FNDC1: variants seen among roughly 807,000 people sequenced by gnomAD.
FNDC1 encodes the protein fibronectin type III domain-containing protein 1.
FNDC1 carries 96 observed loss-of-function variants against 168.0 expected under a neutral mutation model. The observed-to-expected ratio is 0.57, with a 90% CI of 0.48 to 0.68. The LOEUF is 0.68. Among genes scored for constraint, FNDC1 ranks in the 30% least tolerant of loss-of-function variants. The pLI is 0.00. For synonymous variants in FNDC1, 1,099 were observed against 1,025.9 expected (o/e 1.07, Z -1.36); for missense variants, 2,587 against 2,482.1 (o/e 1.04, Z -0.90).
At chr6:159,211,750 G>A (rs566701787) in intron 4 of FNDC1, among the ~76,000 whole-genome samples, 3 of 152,124 alleles carry the variant, frequency 2.0e-5, no homozygotes, top group Non-Finnish European at 2.9e-5. Flanking sequence ...GTATGGCACC[G>A]AACGCTTTAC....
At chr6:159,215,278 A>T in intron 5 of FNDC1, 127 bp downstream of exon 5, 4 of 846,176 alleles carry the variant, frequency 4.7e-6, no homozygotes, top group Non-Finnish European at 7.5e-6. Flanking sequence ...TGTTACAATG[A>T]TTTGAATCTC....
rs1554228133 is a variant in FNDC1 at position 159,248,917 on chromosome 6, G to GTC, written c.4691-121_4691-120insCT. 55 of 779,252 alleles carry GTC rather than the reference G, an allele frequency of 7.1e-5. No individual in the cohort carries two copies. The African/African-American group carries it at 7.3e-4, about 10-fold the overall frequency. 48.3% of individuals were successfully genotyped at this position (779,252 alleles called of 1,614,324 possible). ...AGCATTTATTTTAGGGTGTGTGTGT[G>GTC]TGTGTGTCTGTCTGTCTGTCTGGGT... On this transcript the variant is annotated intron_variant, in intron 15 of 22. Transcript: ENST00000297267.
intron 7 of FNDC1, among the ~76,000 whole-genome samples, chr6:159,225,175 A>G (rs1266344670): frequency 7.6e-6 from 1 of 132,012 alleles, no homozygotes; most frequent in Non-Finnish European, 1.6e-5. Context: ...AGACACAAAT[A>G]CAGACACACA....
chr6:159,239,966 C>T lies in FNDC1; in HGVS notation c.4621+9C>T. 1 of 1,470,858 alleles carries T rather than the reference C, an allele frequency of 6.8e-7. No individual in the cohort carries two copies. Among genetic ancestry groups the T allele is most frequent in the Non-Finnish European group, 9.0e-7 (1 of 1,105,484 alleles). The allele number at this position is 1,470,858 out of a possible 1,614,324, so 91.1% of individuals were successfully genotyped here. A position where few individuals can be genotyped will look rare whatever the true frequency, so the allele number is the denominator to read the frequency against. On this transcript the variant is annotated intron_variant, in intron 14 of 22. Coordinates refer to ENST00000297267, the MANE Select transcript of FNDC1 (RefSeq NM_032532.3). ...GTGCTACGCTGAAGAAGGTAACTGC[C>T]TTTGTTCTAATGCTAACTACTTACC...
rs766487362 is a variant in FNDC1 at position 159,232,421 on chromosome 6, G to T, written c.1909G>T (p.Ala637Ser). ...CACCTCTCATCGTCCTTCCCTGCCT[G>T]CCAGCTTGAATGACAACGACTTGGT... Reference protein sequence around the residue: ...QGTSHRPSLPASLNDNDLVDS... With the variant: ...QGTSHRPSLPSSLNDNDLVDS... Residue 637 changes from alanine (A) to serine (S), a missense_variant, in exon 11 of 23, where the codon GCC becomes TCC. Coordinates refer to ENST00000297267, the MANE Select transcript of FNDC1 (RefSeq NM_032532.3). This position sits in a 1 kb window ranked among gnomAD's most constrained non-coding sequence, Gnocchi z 4.9. 42 of 1,611,812 alleles carry T rather than the reference G, an allele frequency of 2.6e-5. No homozygotes were observed. The highest frequency in any genetic ancestry group is 3.5e-5 in the Non-Finnish European group (41 of 1,178,530).
At chr6:159,209,949 A>G (rs1166661661) in intron 4 of FNDC1, among the ~76,000 whole-genome samples, 1 of 152,192 alleles carries the variant, frequency 6.6e-6, no homozygotes, top group African/African-American at 2.4e-5. Flanking sequence ...TGCTGGCCAC[A>G]TGCTTGACTC....
chr6:159,174,350 G>A (rs964543915), intron 1 of FNDC1, among the ~76,000 whole-genome samples: 1 of 152,242 alleles, frequency 6.6e-6, no homozygotes, highest in African/African-American at 2.4e-5. Flanking sequence ...TGAGCACCCC[G>A]TTTTCCTCCC....
intron 1 of FNDC1, among the ~76,000 whole-genome samples, chr6:159,184,084 C>T (rs1330570128): frequency 2.0e-5 from 3 of 152,262 alleles, no homozygotes; most frequent in African/African-American, 7.2e-5. Context: ...GGGCAAATCA[C>T]TTAACTCTCT....
intron 2 of FNDC1, among the ~76,000 whole-genome samples, chr6:159,199,307 A>G (rs1170662133): frequency 6.6e-6 from 1 of 152,196 alleles, no homozygotes; most frequent in African/African-American, 2.4e-5. Flanking sequence ...TTAGGAGCTC[A>G]GCCCAAGAGA....
chr6:159,210,258 T>C (rs550398524), intron 4 of FNDC1, among the ~76,000 whole-genome samples: 33 of 152,340 alleles, frequency 2.2e-4, no homozygotes, highest in Admixed American at 1.1e-3. Flanking sequence ...GCAACCACCA[T>C]GAGCTTCTCA....
Position 159,256,553 on chromosome 6 carries a change from A to C in FNDC1, c.5096A>C (p.Asp1699Ala), listed in dbSNP as rs1197490258. The change falls in exon 18 of 23, where the codon GAC (aspartate) becomes GCC (alanine). Residue 1699 changes from aspartate to alanine, a missense_variant. Asp to Ala is a moderately radical substitution (Grantham distance 126). Transcript: ENST00000297267. ...TTGGTTTACAGTGCATCCTATGAAGACTTCATCAGGAACAAGTGGTCCACT... is the reference window on the plus strand; with the variant it reads ...TTGGTTTACAGTGCATCCTATGAAGCCTTCATCAGGAACAAGTGGTCCACT... ...GYLVYSASYE[D>A]FIRNKWSTQA... The C allele has an allele frequency of 1.9e-6, 3 of 1,613,594 alleles. No individual in the cohort carries two copies. Among genetic ancestry groups the C allele is most frequent in the South Asian group, 1.1e-5 (1 of 91,066 alleles).
intron 1 of FNDC1, among the ~76,000 whole-genome samples, chr6:159,178,829 G>T (rs917719263): frequency 6.6e-6 from 1 of 151,414 alleles, no homozygotes; most frequent in Non-Finnish European, 1.5e-5. Flanking sequence ...GGTCCAAGCC[G>T]TATTACCTGG....
intron 22 of FNDC1, among the ~76,000 whole-genome samples, chr6:159,269,491 T>TGC (rs1562316045): frequency 4.0e-5 from 2 of 49,976 alleles, no homozygotes; most frequent in African/African-American, 1.4e-4. Context: ...TCTATCTATC[T>TGC]ATCTATCTAT....
Position 159,231,999 on chromosome 6 carries a change from C to G in FNDC1, c.1487C>G (p.Ser496Cys). ...ASSQHPSVPA[S>C]PQGRNAKDLL... ...TCCCAACACCCCTCTGTGCCTGCTT[C>G]TCCCCAAGGGAGAAATGCCAAGGAC... The change falls in exon 11 of 23, where the codon TCT becomes TGT. Residue 496 changes from serine to cysteine, a missense_variant. Physicochemically the swap from Ser to Cys is moderately radical, Grantham distance 112. Coordinates refer to ENST00000297267, the MANE Select transcript of FNDC1 (RefSeq NM_032532.3). The G allele has an allele frequency of 6.2e-7, 1 of 1,614,004 alleles. No homozygotes were observed. Among genetic ancestry groups the G allele is most frequent in the Non-Finnish European group, 8.5e-7 (1 of 1,179,904 alleles).
In FNDC1 at chr6:159,215,233, GC is replaced by G. The variant is rs1782686291; in HGVS notation, c.667+83del. The G allele has an allele frequency of 4.7e-6, 6 of 1,275,390 alleles. No homozygotes were observed. The East Asian group carries it at 1.4e-4, about 30-fold the overall frequency. 79.0% of individuals were successfully genotyped at this position (1,275,390 alleles called of 1,614,324 possible). ...TATTTAGAAGCTCATTCATGACAGA[GC>G]ATTATATTTTAGTTGTAATGTCCAC... is the stretch of plus-strand genomic sequence containing the variant. On this transcript the variant is annotated intron_variant, in intron 5 of 22. Coordinates refer to ENST00000297267, the MANE Select transcript of FNDC1 (RefSeq NM_032532.3).
intron 1 of FNDC1, among the ~76,000 whole-genome samples, chr6:159,174,228 C>G (rs1055269841): frequency 1.3e-5 from 2 of 152,198 alleles, no homozygotes; most frequent in African/African-American, 4.8e-5. Flanking sequence ...AGAGCTGGGT[C>G]GCTGGGGGAC....
chr6:159,201,915 C>T (rs1782388662), intron 4 of FNDC1, among the ~76,000 whole-genome samples: 1 of 152,138 alleles, frequency 6.6e-6, no homozygotes, highest in South Asian at 2.1e-4. Context: ...CTTGCTTTTT[C>T]AGAAGTAATT....
intron 19 of FNDC1, 26 bp from the exon 20 acceptor site, chr6:159,264,949 T>C: frequency 6.3e-7 from 1 of 1,586,782 alleles, no homozygotes; most frequent in Non-Finnish European, 8.6e-7. Flanking sequence ...TGGCACAGAG[T>C]CCATTATTTC....
In FNDC1 at chr6:159,234,343, C is replaced by T. The variant is rs1188678133; in HGVS notation, c.3831C>T (p.Pro1277=). ...ATVSPVAGTH[P]WPQYTTRAPP... The stretch of plus-strand genomic sequence containing the variant: ...TGAGCCCCGTCGCGGGCACCCACCC[C>T]TGGCCGCAGTACACCACGCGCGCCC... The change falls in exon 11 of 23, where the codon CCC becomes CCT. Residue 1277 remains proline (P), a synonymous_variant. Coordinates refer to ENST00000297267, the MANE Select transcript of FNDC1 (RefSeq NM_032532.3). The T allele has an allele frequency of 9.9e-6, 16 of 1,611,364 alleles. 1 individual carries two copies. Among genetic ancestry groups the T allele is most frequent in the South Asian group, 3.3e-5 (3 of 90,734 alleles).
Sources: allele counts gnomAD v4.1 joint callset (sites outside exome capture counted in the v4.1 genomes callset), GRCh38; gene constraint gnomAD v4.1.1; non-coding constraint Gnocchi (gnomAD v3.1); transcripts MANE v1.5; gene names NCBI Gene and HGNC (gene_info 2026-07-23, HGNC 2026-07-21).